ZFAT: variants seen among roughly 807,000 people sequenced by gnomAD.
ZFAT encodes zinc finger and AT-hook domain containing.
ZFAT carries 64 observed loss-of-function variants against 117.7 expected under a neutral mutation model. The ratio of observed to expected loss-of-function variants is 0.54; its 90% CI spans 0.44 to 0.67. The LOEUF is 0.67. Ranked by LOEUF, ZFAT falls within the 30% of genes least tolerant of loss-of-function variation. ZFAT has a pLI of 0.00. For synonymous variants in ZFAT, 679 were observed against 615.0 expected (o/e 1.10, Z -1.54); for missense variants, 1,433 against 1,584.5 (o/e 0.90, Z 1.62).
chr8:134,780,155 G>A, the ZFAT span, among the ~76,000 whole-genome samples: 1 of 152,142 alleles, frequency 6.6e-6, no homozygotes, highest in Non-Finnish European at 1.5e-5. Flanking sequence ...CTTGAGTTCT[G>A]AAAATGACTA....
At chr8:134,738,638 G>A in the ZFAT span, among the ~76,000 whole-genome samples, 4 of 152,128 alleles carry the variant, frequency 2.6e-5, no homozygotes, top group Admixed American at 2.6e-4. Context: ...ATGGCTCCAG[G>A]TAAGAGGGTG....
chr8:134,614,021 G>A (rs1341368486), intron 3 of ZFAT, among the ~76,000 whole-genome samples: 3 of 152,138 alleles, frequency 2.0e-5, no homozygotes, highest in African/African-American at 7.2e-5. Flanking sequence ...CAGTGTCTCT[G>A]CTAACAGTAT....
intron 10 of ZFAT, among the ~76,000 whole-genome samples, chr8:134,573,137 G>T (rs1825050638): frequency 6.6e-6 from 1 of 152,166 alleles, no homozygotes; most frequent in African/African-American, 2.4e-5. Flanking sequence ...TTGCCAAGAG[G>T]CTGGCAGTGT....
the ZFAT span, among the ~76,000 whole-genome samples, chr8:134,725,306 G>A: frequency 9.9e-5 from 15 of 152,266 alleles, no homozygotes; most frequent in East Asian, 2.5e-3. Flanking sequence ...AGAAATATCT[G>A]AGACTCGGCC....
At chr8:134,688,660 A>G (rs1240966097) in intron 1 of ZFAT, among the ~76,000 whole-genome samples, 1 of 152,020 alleles carries the variant, frequency 6.6e-6, no homozygotes, top group Non-Finnish European at 1.5e-5. Flanking sequence ...GGGAATTGTC[A>G]CCCAGTTCCA....
rs1825756146 is a variant in ZFAT at position 134,582,145 on chromosome 8, G to A, written c.2887+1687C>T. Among the ~76,000 whole-genome samples the A allele has an allele frequency of 2.0e-5, 3 of 152,350 alleles. No individual in the cohort carries two copies. In the South Asian group the frequency reaches 6.2e-4, roughly 32 times the overall value. ...GAAGAACTCAGAGAATCATGACAGA[G>A]AGGATAGGCAGAGTGTGCTGCTGTG... On this transcript the variant is annotated intron_variant, in intron 10 of 15. Coordinates refer to ENST00000377838, the MANE Select transcript of ZFAT (RefSeq NM_020863.4).
At chr8:134,589,857 T>A (rs1158863093) in intron 8 of ZFAT, among the ~76,000 whole-genome samples, 1 of 152,186 alleles carries the variant, frequency 6.6e-6, no homozygotes, top group Non-Finnish European at 1.5e-5. Context: ...GTGTGGAATA[T>A]GAGAATACCC....
In ZFAT at chr8:134,565,101, C is replaced by A. The variant is rs1824338455; in HGVS notation, c.2976+232G>T. ...ATCGTGCCTTTTCTTCTGTCTGCAT[C>A]CTCTTACACATCTTTGACTTGGTTT... On this transcript the variant is annotated intron_variant, in intron 11 of 15. Coordinates refer to ENST00000377838, the MANE Select transcript of ZFAT (RefSeq NM_020863.4). The A allele has an allele frequency of 2.7e-6, 4 of 1,498,220 alleles. No homozygotes were observed. The East Asian group carries it at 1.1e-4, about 40-fold the overall frequency. 92.8% of individuals were successfully genotyped at this position (1,498,220 alleles called of 1,614,324 possible).
At chr8:134,825,030 C>T in the ZFAT span, among the ~76,000 whole-genome samples, 12 of 152,204 alleles carry the variant, frequency 7.9e-5, no homozygotes, top group African/African-American at 2.9e-4. Context: ...CCATCTATAA[C>T]TATGGTGTCT....
In ZFAT at chr8:134,490,047, C is replaced by T. The variant is rs907270180; in HGVS notation, c.3493-11326G>A. ...CAGACCAGAGCGCCCCAGTCCTCCCCTCCCCAGAGGGCTACCCCGGCCAGG... is the reference window on the plus strand; with the variant it reads ...CAGACCAGAGCGCCCCAGTCCTCCCTTCCCCAGAGGGCTACCCCGGCCAGG... On this transcript the variant is annotated intron_variant, in intron 15 of 15. Transcript: ENST00000377838. 1.2e-4 allele frequency among the ~76,000 whole-genome samples: 19 copies of T among 152,326 alleles called. 1 individual carries two copies. Among genetic ancestry groups the T allele is most frequent in the African/African-American group, 4.1e-4 (17 of 41,572 alleles).
chr8:134,625,008 C>T (rs1213576294), intron 3 of ZFAT, among the ~76,000 whole-genome samples: 1 of 152,210 alleles, frequency 6.6e-6, no homozygotes, highest in African/African-American at 2.4e-5. Context: ...GAACAGCAGA[C>T]TGATAAGGGA....
At chr8:134,581,394 T>C (rs1415785909) in intron 10 of ZFAT, among the ~76,000 whole-genome samples, 3 of 152,178 alleles carry the variant, frequency 2.0e-5, no homozygotes, top group African/African-American at 7.2e-5. Flanking sequence ...TCCCTTTTGC[T>C]CTACTTTACC....
At chr8:134,702,582 A>G (rs1174143219) in intron 1 of ZFAT, among the ~76,000 whole-genome samples, 1 of 151,968 alleles carries the variant, frequency 6.6e-6, no homozygotes, top group Non-Finnish European at 1.5e-5. Flanking sequence ...CCTACCCCCA[A>G]GTAAAAAGTG....
intron 1 of ZFAT, among the ~76,000 whole-genome samples, chr8:134,707,468 C>A (rs1299812005): frequency 6.6e-6 from 1 of 152,056 alleles, no homozygotes; most frequent in East Asian, 1.9e-4. Context: ...CCCTAAGGGG[C>A]AGAGAAATGG....
intron 3 of ZFAT, among the ~76,000 whole-genome samples, chr8:134,618,287 G>A (rs1828882679): frequency 6.6e-6 from 1 of 152,182 alleles, no homozygotes; most frequent in African/African-American, 2.4e-5. Flanking sequence ...AGAGCCATTC[G>A]TCATCTTGTG....
chr8:134,766,738 TACC>T, the ZFAT span: 1 of 152,204 alleles, frequency 6.6e-6, no homozygotes, highest in African/African-American at 2.4e-5. Context: ...GGTAGAATAC[TACC>T]ACTTTACAGA....
chr8:134,624,067 G>C (rs554540088), intron 3 of ZFAT, among the ~76,000 whole-genome samples: 1 of 152,234 alleles, frequency 6.6e-6, no homozygotes, highest in East Asian at 1.9e-4. Context: ...CTCCATGCCT[G>C]GTACACAAAG....
intron 10 of ZFAT, among the ~76,000 whole-genome samples, chr8:134,580,356 T>C (rs188230049): frequency 6.6e-6 from 1 of 152,326 alleles, no homozygotes; most frequent in East Asian, 1.9e-4. Context: ...TAAGGCAATC[T>C]TGGCTTCTAA....
At chr8:134,512,725 T>G in intron 13 of ZFAT, 124 bp from the exon 14 acceptor site, 3 of 1,257,342 alleles carry the variant, frequency 2.4e-6, no homozygotes, top group South Asian at 3.4e-5. Flanking sequence ...ACATCTCATT[T>G]ACCTGGCACC....
Sources: allele counts gnomAD v4.1 joint callset (sites outside exome capture counted in the v4.1 genomes callset), GRCh38; gene constraint gnomAD v4.1.1; transcripts MANE v1.5; gene names NCBI Gene and HGNC (gene_info 2026-07-23, HGNC 2026-07-21).